PTPRT: variants seen among roughly 807,000 people sequenced by gnomAD.
PTPRT encodes the protein receptor-type tyrosine-protein phosphatase T.
Under a neutral mutation model 176.8 loss-of-function variants are expected in PTPRT, and 56 were observed. The ratio of observed to expected loss-of-function variants is 0.32; its 90% CI spans 0.26 to 0.40. PTPRT has a LOEUF of 0.40. PTPRT is among the 10% of genes least tolerant of loss of function. The probability of loss-of-function intolerance (pLI) is 1.00; values close to 1 mark genes in which losing one functional copy is unlikely to be tolerated. For missense variants in PTPRT, 1,540 were observed against 1,908.2 expected (o/e 0.81, Z 3.60); for synonymous variants, 783 against 739.0 (o/e 1.06, Z -0.96).
chr20:42,309,916 A>T (rs1213282566), intron 12 of PTPRT, among the ~76,000 whole-genome samples: 2 of 152,146 alleles, frequency 1.3e-5, no homozygotes, highest in East Asian at 3.8e-4. Flanking sequence ...ATATATATCT[A>T]GTGTAATATA....
intron 7 of PTPRT, among the ~76,000 whole-genome samples, chr20:42,596,448 C>T (rs953120118): frequency 4.6e-5 from 7 of 152,194 alleles, no homozygotes; most frequent in Non-Finnish European, 7.4e-5. Flanking sequence ...CGGAATACCA[C>T]GGCGGTCTTT....
intron 8 of PTPRT, among the ~76,000 whole-genome samples, chr20:42,471,407 G>A (rs1288324781): frequency 6.6e-6 from 1 of 152,106 alleles, no homozygotes; most frequent in Non-Finnish European, 1.5e-5. Context: ...GCGACAGTGA[G>A]TGAATTCCCC....
At chr20:42,562,478 C>G (rs1216136981) in intron 7 of PTPRT, among the ~76,000 whole-genome samples, 2 of 152,186 alleles carry the variant, frequency 1.3e-5, no homozygotes, top group Non-Finnish European at 2.9e-5. Context: ...TGTAGCAGTA[C>G]AATACAACAA....
At chr20:43,070,411 C>G (rs895282881) in intron 1 of PTPRT, among the ~76,000 whole-genome samples, 6 of 152,180 alleles carry the variant, frequency 3.9e-5, no homozygotes, top group African/African-American at 1.4e-4. Context: ...GTGGAAGACA[C>G]TGTGGTGATT....
At chr20:42,578,907 G>T (rs957910964) in intron 7 of PTPRT, among the ~76,000 whole-genome samples, 3 of 150,340 alleles carry the variant, frequency 2.0e-5, no homozygotes, top group African/African-American at 2.5e-5. Flanking sequence ...TTTTTTGGGG[G>T]GGGGTCGGTT....
At chr20:43,127,113 A>C (rs1316183188) in intron 1 of PTPRT, among the ~76,000 whole-genome samples, 4 of 152,136 alleles carry the variant, frequency 2.6e-5, no homozygotes, top group Non-Finnish European at 5.9e-5. Flanking sequence ...ATCCCTAAAC[A>C]AGAAAAAAAA....
At chr20:43,061,274 A>G (rs1393094111) in intron 1 of PTPRT, among the ~76,000 whole-genome samples, 1 of 152,228 alleles carries the variant, frequency 6.6e-6, no homozygotes, top group East Asian at 1.9e-4. Context: ...AGGGTGGCAC[A>G]GCCAGTTCTA....
chr20:42,040,658 C>T, the PTPRT span, among the ~76,000 whole-genome samples: 7 of 152,236 alleles, frequency 4.6e-5, no homozygotes, highest in Admixed American at 3.3e-4. Flanking sequence ...TTAGCAGTAA[C>T]ATGTATTTAG....
chr20:42,380,444 C>T (rs560530788), intron 9 of PTPRT, among the ~76,000 whole-genome samples: 4 of 152,320 alleles, frequency 2.6e-5, no homozygotes, highest in South Asian at 4.1e-4. Context: ...TCCCTTAGCC[C>T]CAGGCCTGCC....
chr20:42,692,272 G>A (rs1245157929), intron 6 of PTPRT, among the ~76,000 whole-genome samples: 1 of 152,064 alleles, frequency 6.6e-6, no homozygotes, highest in Non-Finnish European at 1.5e-5. Context: ...AATCTCCCTC[G>A]TAAACACGTA....
At chr20:42,499,660 C>T (rs1387880432) in intron 7 of PTPRT, among the ~76,000 whole-genome samples, 1 of 152,158 alleles carries the variant, frequency 6.6e-6, no homozygotes, top group Non-Finnish European at 1.5e-5. Flanking sequence ...CTACTATCTA[C>T]ATCTTTCATG....
chr20:42,277,886 A>C (rs2057068807), intron 13 of PTPRT, among the ~76,000 whole-genome samples: 2 of 143,170 alleles, frequency 1.4e-5, no homozygotes, highest in South Asian at 4.6e-4. Flanking sequence ...TCATCCACTC[A>C]TCCATCCATC....
At chr20:43,140,160 A>G (rs1019200382) in intron 1 of PTPRT, among the ~76,000 whole-genome samples, 1 of 152,126 alleles carries the variant, frequency 6.6e-6, no homozygotes, top group Non-Finnish European at 1.5e-5. Flanking sequence ...TTTGTTTTAC[A>G]ACTGATAAAC....
At chr20:42,528,787 C>T (rs1439010930) in intron 7 of PTPRT, among the ~76,000 whole-genome samples, 4 of 152,200 alleles carry the variant, frequency 2.6e-5, no homozygotes, top group Non-Finnish European at 5.9e-5. Flanking sequence ...AAATCAATTG[C>T]ATTTTATGCT....
chr20:42,340,553 C>T (rs1600857749), intron 11 of PTPRT, among the ~76,000 whole-genome samples: 2 of 152,218 alleles, frequency 1.3e-5, no homozygotes, highest in African/African-American at 4.8e-5. Flanking sequence ...AGGCAACTCC[C>T]TGAGCAGCCC....
intron 12 of PTPRT, among the ~76,000 whole-genome samples, chr20:42,292,358 G>A (rs2057330240): frequency 6.6e-6 from 1 of 150,722 alleles, no homozygotes; most frequent in Non-Finnish European, 1.5e-5. Context: ...TTGAAACAGA[G>A]TTTTGCTCTT....
At chr20:42,100,069 C>T (rs568758999) in intron 26 of PTPRT, among the ~76,000 whole-genome samples, 11 of 152,290 alleles carry the variant, frequency 7.2e-5, no homozygotes, top group Admixed American at 5.2e-4. Flanking sequence ...AATACTCTGA[C>T]CCCGAGGACC....
At chr20:42,378,487 C>T (rs2058670414) in intron 9 of PTPRT, among the ~76,000 whole-genome samples, 1 of 152,160 alleles carries the variant, frequency 6.6e-6, no homozygotes, top group African/African-American at 2.4e-5. Flanking sequence ...ATTGTTCACT[C>T]ATTTTCTGTC....
chr20:42,374,187 G>A (rs1428747621), intron 9 of PTPRT, among the ~76,000 whole-genome samples: 2 of 152,226 alleles, frequency 1.3e-5, no homozygotes, highest in Admixed American at 1.3e-4. Context: ...TAGCCCATCT[G>A]TCTCACTCTC....
Sources: gnomAD v4.1 joint callset for allele counts (sites outside exome capture counted in the v4.1 genomes callset) on GRCh38, gnomAD v4.1.1 for gene constraint, MANE v1.5 for transcripts, NCBI Gene and HGNC (gene_info 2026-07-23, HGNC 2026-07-21) for gene names.